Variants in NRG3 observed in about 807,000 individuals in gnomAD.
NRG3 encodes neuregulin 3.
Under a neutral mutation model 66.9 loss-of-function variants are expected in NRG3, and 31 were observed. The ratio of observed to expected loss-of-function variants is 0.46; its 90% CI spans 0.35 to 0.63. The LOEUF (loss-of-function observed/expected upper bound fraction) is 0.63. NRG3 is among the 20% of genes least tolerant of loss of function. NRG3 has a pLI of 0.00. For missense variants in NRG3, 910 were observed against 878.9 expected (o/e 1.04, Z -0.45); for synonymous variants, 393 against 359.4 (o/e 1.09, Z -1.06).
At chr10:82,742,651 G>A (rs1417597017) in intron 3 of NRG3, among the ~76,000 whole-genome samples, 1 of 152,092 alleles carries the variant, frequency 6.6e-6, no homozygotes, top group Non-Finnish European at 1.5e-5. Flanking sequence ...GTGACCTTCT[G>A]TGGAGGAGCC....
intron 2 of NRG3, among the ~76,000 whole-genome samples, chr10:82,712,445 G>C (rs542735599): frequency 6.6e-6 from 1 of 152,104 alleles, no homozygotes; most frequent in African/African-American, 2.4e-5. Flanking sequence ...TCAAACCTTC[G>C]GGTGCATCAG....
chr10:82,673,778 A>G (rs1348984856), intron 2 of NRG3, among the ~76,000 whole-genome samples: 1 of 152,236 alleles, frequency 6.6e-6, no homozygotes, highest in Non-Finnish European at 1.5e-5. Flanking sequence ...GATACCAACT[A>G]GAAAGTTAGG....
intron 3 of NRG3, among the ~76,000 whole-genome samples, chr10:82,779,555 C>T (rs1176006214): frequency 1.3e-5 from 2 of 152,096 alleles, no homozygotes; most frequent in East Asian, 3.9e-4. Flanking sequence ...GATGATGTCT[C>T]AAAAACTCTA....
intron 2 of NRG3, among the ~76,000 whole-genome samples, chr10:82,688,444 T>A (rs182972358): frequency 6.6e-6 from 1 of 152,292 alleles, no homozygotes; most frequent in African/African-American, 2.4e-5. Context: ...ACATGACTGG[T>A]CATTGTTAAT....
intron 1 of NRG3, among the ~76,000 whole-genome samples, chr10:82,321,300 GT>G (rs1335925324): frequency 4.6e-5 from 6 of 129,550 alleles, no homozygotes; most frequent in African/African-American, 2.4e-4. Context: ...TGTGGCAGGG[GT>G]GGGGGTGGGG....
intron 1 of NRG3, among the ~76,000 whole-genome samples, chr10:82,300,075 T>G (rs1228970419): frequency 6.6e-6 from 1 of 152,120 alleles, no homozygotes; most frequent in Non-Finnish European, 1.5e-5. Context: ...ACACAAAGAA[T>G]GTCAACTATA....
chr10:82,121,003 A>G (rs1480636034), intron 1 of NRG3, among the ~76,000 whole-genome samples: 2 of 152,064 alleles, frequency 1.3e-5, no homozygotes, highest in African/African-American at 2.4e-5. Context: ...TACGATCAAA[A>G]TCTGTTCCAG....
At chr10:82,033,493 C>T (rs2062661557) in intron 1 of NRG3, among the ~76,000 whole-genome samples, 3 of 152,126 alleles carry the variant, frequency 2.0e-5, no homozygotes, top group Admixed American at 2.0e-4. Flanking sequence ...CTATACATGG[C>T]ATTATAATTC....
In NRG3 at chr10:82,705,368, T is replaced by G. The variant is rs573723389; in HGVS notation, c.954-33209T>G. Among the ~76,000 whole-genome samples the G allele has an allele frequency of 3.3e-5, 5 of 152,222 alleles. No homozygotes were observed. In the East Asian group the frequency reaches 9.7e-4, roughly 29 times the overall value. On this transcript the variant is annotated intron_variant, in intron 2 of 8. Coordinates refer to ENST00000372141, the MANE Select transcript of NRG3 (RefSeq NM_001010848.4). ...TAAACATTTCTTTGAATATCAAGGG[T>G]CTTGATCAGAGGCTGTGGGGGGCAG... is the stretch of plus-strand genomic sequence containing the variant.
chr10:82,097,552 A>G (rs2066435046), intron 1 of NRG3, among the ~76,000 whole-genome samples: 2 of 151,224 alleles, frequency 1.3e-5, no homozygotes, highest in African/African-American at 4.8e-5. Flanking sequence ...AGGCACACCC[A>G]TATATATAAA....
chr10:82,718,314 T>C (rs2057098161), intron 2 of NRG3, among the ~76,000 whole-genome samples: 1 of 152,202 alleles, frequency 6.6e-6, no homozygotes. Context: ...TATTAAAAGA[T>C]ACTTGAAGAG....
intron 2 of NRG3, among the ~76,000 whole-genome samples, chr10:82,391,766 A>G (rs1017370407): frequency 1.2e-4 from 19 of 152,196 alleles, no homozygotes; most frequent in African/African-American, 4.6e-4. Context: ...TGTGTTTTTT[A>G]GTCACTCTCC....
At chr10:82,601,886 A>G (rs2047656807) in intron 2 of NRG3, among the ~76,000 whole-genome samples, 1 of 147,246 alleles carries the variant, frequency 6.8e-6, no homozygotes, top group East Asian at 2.0e-4. Context: ...AACTATATAT[A>G]CAAATATATA....
At chr10:82,648,630 G>T (rs959095355) in intron 2 of NRG3, among the ~76,000 whole-genome samples, 3 of 151,980 alleles carry the variant, frequency 2.0e-5, no homozygotes, top group African/African-American at 7.3e-5. Context: ...GATTCTTCCT[G>T]CCCATGAGCA....
chr10:82,201,440 C>T (rs1010449156), intron 1 of NRG3, among the ~76,000 whole-genome samples: 3 of 152,036 alleles, frequency 2.0e-5, no homozygotes, highest in Non-Finnish European at 4.4e-5. Context: ...GTCCAGTCTC[C>T]CTTACGGTGC....
chr10:82,853,048 T>C (rs1404334807), intron 3 of NRG3, among the ~76,000 whole-genome samples: 2 of 152,184 alleles, frequency 1.3e-5, no homozygotes, highest in African/African-American at 4.8e-5. Flanking sequence ...TAGAATAGGG[T>C]AAGGCAGGAT....
intron 1 of NRG3, among the ~76,000 whole-genome samples, chr10:82,243,199 A>C (rs11594561): frequency 0.12 from 18,280 of 152,208 alleles, 1,181 homozygotes; most frequent in Non-Finnish European, 0.15. Context: ...ATCAAACCAG[A>C]AGTAAAAATA....
At chr10:82,822,619 C>T (rs181907597) in intron 3 of NRG3, among the ~76,000 whole-genome samples, 1 of 152,136 alleles carries the variant, frequency 6.6e-6, no homozygotes, top group Non-Finnish European at 1.5e-5. Context: ...AAATGGGAGG[C>T]ACACACTCTG....
chr10:82,904,016 A>C (rs1186614321), intron 4 of NRG3, among the ~76,000 whole-genome samples: 1 of 152,106 alleles, frequency 6.6e-6, no homozygotes, highest in Non-Finnish European at 1.5e-5. Context: ...GTGTCACTTT[A>C]CATTATCAGC....
Sources: gnomAD v4.1 joint callset for allele counts (sites outside exome capture counted in the v4.1 genomes callset) on GRCh38, gnomAD v4.1.1 for gene constraint, MANE v1.5 for transcripts, NCBI Gene and HGNC (gene_info 2026-07-23, HGNC 2026-07-21) for gene names.